NR4A3: variants seen among roughly 807,000 people sequenced by gnomAD.
NR4A3 encodes the protein chondrosarcoma, extraskeletal myxoid, fused to EWS.
A neutral mutation model predicts 55.6 loss-of-function variants in NR4A3; 13 were observed. That is an observed-to-expected ratio of 0.23 (90% CI 0.15 to 0.37). NR4A3 has a LOEUF of 0.37. Ranked by LOEUF, NR4A3 falls within the 10% of genes least tolerant of loss-of-function variation. The pLI is 1.00. For missense variants in NR4A3, 646 were observed against 822.8 expected (o/e 0.79, Z 2.63); for synonymous variants, 342 against 357.9 (o/e 0.96, Z 0.50).
At chr9:99,862,567 A>AAAAAG (rs1828026589) in intron 7 of NR4A3, among the ~76,000 whole-genome samples, 1 of 141,274 alleles carries the variant, frequency 7.1e-6, no homozygotes, top group Non-Finnish European at 1.5e-5. Flanking sequence ...AAAAAAAAAA[A>AAAAAG]AAAAAAAAAA....
In NR4A3 at chr9:99,828,809, T is replaced by A; in HGVS notation, c.767T>A (p.Phe256Tyr). ...GCCAAGAGGGCGGCCCCGCTGGCCT[T>A]CCCGCCTCTCGGCCTCACGCCCTCC... is the stretch of plus-strand genomic sequence containing the variant. ...PLAKRAAPLA[F>Y]PPLGLTPSPT... Residue 256 changes from phenylalanine to tyrosine, a missense_variant, in exon 3 of 8, where the codon TTC (phenylalanine) becomes TAC (tyrosine). Phe to Tyr is a conservative substitution (Grantham distance 22, BLOSUM62 3). Coordinates refer to ENST00000395097, the MANE Select transcript of NR4A3 (RefSeq NM_006981.4). This position sits in a 1 kb window ranked among gnomAD's most constrained non-coding sequence, Gnocchi z 7.7. 1.4e-6 allele frequency: 2 copies of A among 1,472,478 alleles called. No individual in the cohort carries two copies. The highest frequency in any genetic ancestry group is 1.8e-6 in the Non-Finnish European group (2 of 1,116,096). 91.2% of individuals were successfully genotyped at this position (1,472,478 alleles called of 1,614,324 possible).
chr9:99,832,998 C>T (rs1587875734), intron 4 of NR4A3, among the ~76,000 whole-genome samples, 180 bp downstream of exon 4: 1 of 152,078 alleles, frequency 6.6e-6, no homozygotes, highest in Admixed American at 6.5e-5. Context: ...TCTAATTTCT[C>T]AAAATTAACA....
At chr9:99,834,106 G>A in intron 5 of NR4A3, 1 of 938,276 alleles carries the variant, frequency 1.1e-6, no homozygotes, top group Non-Finnish European at 1.3e-6. Flanking sequence ...TTGTGAAAAT[G>A]TTTTTAAGAC....
At chr9:99,827,836 T>C (rs960515178) in intron 2 of NR4A3, among the ~76,000 whole-genome samples, 5 of 152,176 alleles carry the variant, frequency 3.3e-5, no homozygotes, top group African/African-American at 1.2e-4. Context: ...GGCCAGGTTT[T>C]GGCACCCCTT....
At position 99,847,524 on chromosome 9, in the gene NR4A3, C is replaced by G. The variant is rs769368262; in HGVS notation, c.1542C>G (p.Leu514=). 5.0e-6 allele frequency: 8 copies of G among 1,614,134 alleles called. No homozygotes were observed. The highest frequency in any genetic ancestry group is 1.7e-5 in the Admixed American group (1 of 60,022). ...LQCLRGFGEW[L]DSIKDFSLNL... is the part of the protein sequence containing the mutation. ...GCCTTCGTGGATTTGGGGAGTGGCT[C>G]GACTCTATTAAAGACTTTTCCTTAA... The change falls in exon 7 of 8, where the codon CTC becomes CTG. Residue 514 remains leucine, a synonymous_variant. Transcript: ENST00000395097.
intron 3 of NR4A3, among the ~76,000 whole-genome samples, chr9:99,829,559 C>A (rs1444280613): frequency 6.6e-6 from 1 of 152,196 alleles, no homozygotes; most frequent in Admixed American, 6.5e-5. Flanking sequence ...TCAGGACACA[C>A]CTTCAGAGAA....
At position 99,833,348 on chromosome 9, in the gene NR4A3, A is replaced by C; in HGVS notation, c.1148A>C (p.Gln383Pro). The change falls in exon 5 of 8, where the codon CAA (glutamine) becomes CCA (proline). Residue 383 changes from glutamine to proline, a missense_variant. By Grantham distance (76) the Gln-to-Pro change is moderately conservative. Transcript: ENST00000395097. ...RLPSKPKSPL[Q>P]QEPSQPSPPS... ...CCTTCCAAACCAAAGAGCCCATTAC[A>C]ACAGGAACCTTCTCAGCCCTCTCCA... The C allele has an allele frequency of 1.2e-6, 2 of 1,614,156 alleles. No individual in the cohort carries two copies. The highest frequency in any genetic ancestry group is 2.2e-5 in the South Asian group (2 of 91,084).
intron 7 of NR4A3, among the ~76,000 whole-genome samples, chr9:99,856,977 T>A (rs1353102093): frequency 6.6e-5 from 10 of 152,230 alleles, no homozygotes. Context: ...GCTTTACATG[T>A]GTTATTTTGT....
At chr9:99,853,148 T>A (rs1026812542) in intron 7 of NR4A3, among the ~76,000 whole-genome samples, 1 of 152,072 alleles carries the variant, frequency 6.6e-6, no homozygotes. Flanking sequence ...CTTTCAGGTT[T>A]CTTATAAAAA....
At chr9:99,843,083 A>C (rs796460305) in intron 5 of NR4A3, among the ~76,000 whole-genome samples, 4 of 152,310 alleles carry the variant, frequency 2.6e-5, no homozygotes, top group African/African-American at 9.6e-5. Flanking sequence ...CTTGCAGCAG[A>C]AAAGTCTTTA....
intron 5 of NR4A3, among the ~76,000 whole-genome samples, chr9:99,841,894 G>A (rs1356250952): frequency 6.6e-6 from 1 of 152,114 alleles, no homozygotes; most frequent in Non-Finnish European, 1.5e-5. Context: ...CGCCTCAGCT[G>A]GGGAAGTCGA....
At chr9:99,824,854 C>G (rs915387553) in intron 1 of NR4A3, among the ~76,000 whole-genome samples, 2 of 152,188 alleles carry the variant, frequency 1.3e-5, no homozygotes, top group Non-Finnish European at 2.9e-5. Context: ...GAGCTGCGCT[C>G]GGCGCCCTCA....
chr9:99,833,752 A>G (rs995334711), intron 5 of NR4A3: 16 of 1,413,400 alleles, frequency 1.1e-5, no homozygotes, highest in South Asian at 4.1e-5. Flanking sequence ...ACAAACTACA[A>G]TTTGTAGATT....
intron 7 of NR4A3, among the ~76,000 whole-genome samples, chr9:99,858,313 C>T (rs1013916354): frequency 2.6e-5 from 4 of 152,184 alleles, no homozygotes; most frequent in Admixed American, 6.5e-5. Flanking sequence ...TATTTCACTC[C>T]ATCACTCTCT....
At chr9:99,840,423 G>T (rs1827632638) in intron 5 of NR4A3, among the ~76,000 whole-genome samples, 1 of 152,226 alleles carries the variant, frequency 6.6e-6, no homozygotes, top group Non-Finnish European at 1.5e-5. Flanking sequence ...GGATTCAGGG[G>T]AGTCAGTGCA....
chr9:99,827,506 T>C (rs749376459), intron 2 of NR4A3, among the ~76,000 whole-genome samples: 13 of 152,190 alleles, frequency 8.5e-5, no homozygotes, highest in Non-Finnish European at 1.6e-4. Flanking sequence ...GCAACCTCAA[T>C]TGGCACTCAT....
chr9:99,864,577 T>C lies in NR4A3; in HGVS notation c.*710T>C, dbSNP rs1828061295. 4.4e-6 allele frequency: 1 copy of C among 227,860 alleles called. No individual in the cohort carries two copies. The highest frequency in any genetic ancestry group is 2.2e-5 in the African/African-American group (1 of 45,046). 14.1% of individuals were successfully genotyped at this position (227,860 alleles called of 1,614,324 possible). A position where few individuals can be genotyped will look rare whatever the true frequency, so the allele number is the denominator to read the frequency against. ...GTCATGTTAGCAAATGACACGTTAA[T>C]ATCCCTAGCAGAGGCTGTGTTCACC... On this transcript the variant is annotated 3_prime_UTR_variant, in exon 8 of 8. Coordinates refer to ENST00000395097, the MANE Select transcript of NR4A3 (RefSeq NM_006981.4).
At chr9:99,851,522 G>A (rs1289546577) in intron 7 of NR4A3, among the ~76,000 whole-genome samples, 1 of 152,062 alleles carries the variant, frequency 6.6e-6, no homozygotes, top group African/African-American at 2.4e-5. Context: ...AGTATTGGTG[G>A]TTTGCACAAA....
chr9:99,844,672 T>A lies in NR4A3; in HGVS notation c.1278T>A (p.Ala426=). ...YSRYCPTDQA[A]AGTDAEHVQQ... ...AGTACTGTCCCACTGACCAGGCTGC[T>A]GCAGGCACAGATGCTGAGCATGTGC... The change falls in exon 6 of 8, where the codon GCT becomes GCA. Residue 426 remains alanine (A), a synonymous_variant. Coordinates refer to ENST00000395097, the MANE Select transcript of NR4A3 (RefSeq NM_006981.4). 2 of 1,614,244 alleles carry A rather than the reference T, an allele frequency of 1.2e-6. No homozygotes were observed. The highest frequency in any genetic ancestry group is 1.7e-6 in the Non-Finnish European group (2 of 1,180,042).
Sources: allele counts gnomAD v4.1 joint callset (sites outside exome capture counted in the v4.1 genomes callset), GRCh38; gene constraint gnomAD v4.1.1; non-coding constraint Gnocchi (gnomAD v3.1); transcripts MANE v1.5; gene names NCBI Gene and HGNC (gene_info 2026-07-23, HGNC 2026-07-21).